Variants in SNCAIP observed in about 807,000 individuals in gnomAD.
SNCAIP encodes synphilin-1.
In SNCAIP, 43 loss-of-function variants were observed where a neutral mutation model predicts 86.7. That is an observed-to-expected ratio of 0.50 (90% confidence interval 0.39 to 0.64). The LOEUF (loss-of-function observed/expected upper bound fraction) is 0.64, where lower values mean the gene tolerates loss of function less well. Among genes scored for constraint, SNCAIP ranks in the 30% least tolerant of loss-of-function variants. The pLI, the probability that SNCAIP is intolerant of heterozygous loss-of-function variation, is 0.00. For synonymous variants in SNCAIP, 417 were observed against 427.2 expected (o/e 0.98, Z 0.29); for missense variants, 981 against 1,103.1 (o/e 0.89, Z 1.57).
At position 122,391,044 on chromosome 5, in the gene SNCAIP, C is replaced by T. The variant is rs376110852; in HGVS notation, c.-46-45C>T. ...GTAGACATTATTTTTGGTTGTAAAA[C>T]GGCTAAATTTTTTTGCCTTTCTTTT... On this transcript the variant is annotated intron_variant, in intron 1 of 10. Transcript: ENST00000261368. 1.7e-4 allele frequency: 172 copies of T among 1,020,786 alleles called. 1 individual carries two copies. The highest frequency in any genetic ancestry group is 2.0e-4 in the Middle Eastern group (1 of 4,924). The allele number at this position is 1,020,786 out of a possible 1,614,324, so 63.2% of individuals were successfully genotyped here.
At chr5:122,395,891 C>T (rs148791650) in intron 2 of SNCAIP, among the ~76,000 whole-genome samples, 2 of 152,210 alleles carry the variant, frequency 1.3e-5, no homozygotes, top group East Asian at 3.9e-4. Context: ...ATAAGATGGA[C>T]CCTATTGTAC....
intron 1 of SNCAIP, among the ~76,000 whole-genome samples, chr5:122,354,977 A>G (rs1053913222): frequency 7.2e-5 from 11 of 152,194 alleles, no homozygotes; most frequent in African/African-American, 2.4e-4. Context: ...GCCAGGATAT[A>G]AAGTCTGGTT....
intron 1 of SNCAIP, among the ~76,000 whole-genome samples, chr5:122,358,852 AC>A (rs1761646971): frequency 6.6e-6 from 1 of 152,134 alleles, no homozygotes; most frequent in Admixed American, 6.6e-5. Context: ...CAGAGCTAAT[AC>A]CCTTATAAAT....
At chr5:122,313,331 G>T (rs777879794) in intron 1 of SNCAIP, among the ~76,000 whole-genome samples, 11 of 152,224 alleles carry the variant, frequency 7.2e-5, no homozygotes, top group Non-Finnish European at 1.6e-4. Context: ...GGACAGTCTC[G>T]CCACACACCA....
Position 122,461,765 on chromosome 5 carries a change from GC to G in SNCAIP, c.2755-1724del, listed in dbSNP as rs201406383. Reference sequence around the variant, plus strand: ...GTGATCTTGGCTCACTGCAACCTCTGCCTCCTGGGTTCAAGTGATTCTTATG... The same window carrying G: ...GTGATCTTGGCTCACTGCAACCTCTGCTCCTGGGTTCAAGTGATTCTTATG... On this transcript the variant is annotated intron_variant, in intron 10 of 10. Coordinates refer to ENST00000261368, the MANE Select transcript of SNCAIP (RefSeq NM_005460.4). Among the ~76,000 whole-genome samples the G allele has an allele frequency of 1.6e-3, 234 of 148,520 alleles. 7 individuals are homozygous for G. In the East Asian group the frequency reaches 0.046, roughly 29 times the overall value.
At chr5:122,449,313 A>G (rs1468508698) in intron 8 of SNCAIP, among the ~76,000 whole-genome samples, 1 of 152,220 alleles carries the variant, frequency 6.6e-6, no homozygotes, top group African/African-American at 2.4e-5. Flanking sequence ...CTCAAAGTAC[A>G]GTTTCTACTG....
At chr5:122,444,274 A>G in intron 7 of SNCAIP, 1 of 513,620 alleles carries the variant, frequency 1.9e-6, no homozygotes, top group East Asian at 5.1e-5. Flanking sequence ...GACAAGAGAC[A>G]GAACTCCCCA....
At chr5:122,412,350 G>A (rs1774307067) in intron 3 of SNCAIP, among the ~76,000 whole-genome samples, 2 of 152,088 alleles carry the variant, frequency 1.3e-5, no homozygotes, top group South Asian at 4.1e-4. Context: ...ATCTCTCTAG[G>A]GAAGGTCACG....
intron 1 of SNCAIP, among the ~76,000 whole-genome samples, chr5:122,357,559 T>C (rs1172305912): frequency 6.6e-6 from 1 of 151,176 alleles, no homozygotes; most frequent in Non-Finnish European, 1.5e-5. Context: ...AAAAAGCCTT[T>C]CCTGACCCAC....
rs550600488 is a variant in SNCAIP, at chr5:122,377,206, G to A, written c.-46-13883G>A. Among the ~76,000 whole-genome samples the A allele has an allele frequency of 7.3e-4, 111 of 152,186 alleles. 1 individual carries two copies. Among genetic ancestry groups the A allele is most frequent in the South Asian group, 3.1e-3 (15 of 4,804 alleles). On this transcript the variant is annotated intron_variant, in intron 1 of 10. Transcript: ENST00000261368. Reference sequence around the variant, plus strand: ...AAATTTCCTTAGCTGTATTGCATAAGACAGTTTCTCAACCACTGGTTTTCT... The same window carrying A: ...AAATTTCCTTAGCTGTATTGCATAAAACAGTTTCTCAACCACTGGTTTTCT...
chr5:122,326,836 A>C (rs1394335056), intron 1 of SNCAIP, among the ~76,000 whole-genome samples: 1 of 151,742 alleles, frequency 6.6e-6, no homozygotes, highest in Non-Finnish European at 1.5e-5. Context: ...ACTTTTATAA[A>C]CATCTTATTT....
At chr5:122,417,921 A>C (rs1175844367) in intron 3 of SNCAIP, among the ~76,000 whole-genome samples, 1 of 152,186 alleles carries the variant, frequency 6.6e-6, no homozygotes, top group Non-Finnish European at 1.5e-5. Context: ...TTGTAACAGA[A>C]TTTCAAAAAT....
chr5:122,447,678 AT>A (rs1227436779), intron 8 of SNCAIP, among the ~76,000 whole-genome samples: 1 of 152,112 alleles, frequency 6.6e-6, no homozygotes, highest in African/African-American at 2.4e-5. Context: ...TTTAGTTTTT[AT>A]TTTTTTCATT....
Position 122,432,022 on chromosome 5 carries a change from A to T in SNCAIP, c.1236A>T (p.Ala412=), listed in dbSNP as rs775412765. The change falls in exon 6 of 11, where the codon GCA becomes GCT. Residue 412 remains alanine (A), a synonymous_variant. Transcript: ENST00000261368. The stretch of plus-strand genomic sequence containing the variant: ...TGGTGAGCGAAACAGAAGCCATTGC[A>T]GAACTGAGTTGTTCTAAGGATTTTC... ...RWMVSETEAI[A]ELSCSKDFPS... is the part of the protein sequence containing the mutation. The T allele has an allele frequency of 1.2e-6, 2 of 1,608,740 alleles. No homozygotes were observed. The highest frequency in any genetic ancestry group is 2.7e-5 in the African/African-American group (2 of 74,788).
intron 5 of SNCAIP, among the ~76,000 whole-genome samples, chr5:122,426,549 T>A (rs985842352): frequency 6.6e-6 from 1 of 152,204 alleles, no homozygotes; most frequent in Non-Finnish European, 1.5e-5. Context: ...CCATTTTATT[T>A]AATTTTGCTC....
chr5:122,463,508 G>GA lies in SNCAIP; in HGVS notation c.*17dup. ...CTGCTTAGGCATAATGACATCAATA[G>GA]AAAAATGAAGAAATCCTACAGCATA... On this transcript the variant is annotated 3_prime_UTR_variant, in exon 11 of 11. Transcript: ENST00000261368. 1 of 1,605,096 alleles carries GA rather than the reference G, an allele frequency of 6.2e-7. No individual in the cohort carries two copies. Among genetic ancestry groups the GA allele is most frequent in the African/African-American group, 1.3e-5 (1 of 74,832 alleles).
At chr5:122,421,246 G>C (rs971404515) in intron 3 of SNCAIP, among the ~76,000 whole-genome samples, 3 of 152,184 alleles carry the variant, frequency 2.0e-5, no homozygotes, top group African/African-American at 7.2e-5. Context: ...GAGCCAGAAA[G>C]GTCTGAGAAG....
At chr5:122,331,861 C>G (rs73283431) in intron 1 of SNCAIP, among the ~76,000 whole-genome samples, 1 of 152,184 alleles carries the variant, frequency 6.6e-6, no homozygotes, top group Non-Finnish European at 1.5e-5. Context: ...AAATATTAGA[C>G]GATACATGAA....
At chr5:122,359,585 G>A (rs138447265) in intron 1 of SNCAIP, among the ~76,000 whole-genome samples, 136 of 151,788 alleles carry the variant, frequency 9.0e-4, no homozygotes, top group African/African-American at 2.9e-3. Flanking sequence ...GGCTGGTCTC[G>A]AACTCCTGAG....
Sources: gnomAD v4.1 joint callset for allele counts (sites outside exome capture counted in the v4.1 genomes callset) on GRCh38, gnomAD v4.1.1 for gene constraint, MANE v1.5 for transcripts, NCBI Gene and HGNC (gene_info 2026-07-23, HGNC 2026-07-21) for gene names.